PTPN13: variants seen among roughly 807,000 people sequenced by gnomAD.
PTPN13 encodes the protein tyrosine-protein phosphatase non-receptor type 13.
A neutral mutation model predicts 284.0 loss-of-function variants in PTPN13; 191 were observed. The ratio of observed to expected loss-of-function variants is 0.67; its 90% CI spans 0.60 to 0.76. The LOEUF (loss-of-function observed/expected upper bound fraction) is 0.76, where lower values mean the gene tolerates loss of function less well. Among genes scored for constraint, PTPN13 ranks in the 30% least tolerant of loss-of-function variants. The probability of loss-of-function intolerance (pLI) is 0.00; values close to 1 mark genes in which losing one functional copy is unlikely to be tolerated. For synonymous variants in PTPN13, 986 were observed against 1,022.3 expected (o/e 0.96, Z 0.68); for missense variants, 2,797 against 2,939.9 (o/e 0.95, Z 1.12).
chr4:86,647,879 A>AT lies in PTPN13; in HGVS notation c.115+12512dup, dbSNP rs141093712. Among the ~76,000 whole-genome samples the AT allele has an allele frequency of 3.4e-3, 510 of 152,220 alleles. 6 individuals carry two copies. Among genetic ancestry groups the AT allele is most frequent in the African/African-American group, 0.012 (481 of 41,566 alleles). On this transcript the variant is annotated intron_variant, in intron 2 of 47. Coordinates refer to ENST00000411767, the MANE Select transcript of PTPN13 (RefSeq NM_080683.3). ...AGAAACCAACCCTGCCAGCACCTTG[A>AT]TTTTGCACTTTTACAAAAGTACAGA... is the stretch of plus-strand genomic sequence containing the variant.
At position 86,784,493 on chromosome 4, in the gene PTPN13, C is replaced by T. The variant is rs764113622; in HGVS notation, c.6053C>T (p.Ser2018Leu). Residue 2018 changes from serine (S) to leucine (L), a missense_variant, in exon 38 of 48, where the codon TCG becomes TTG. Coordinates refer to ENST00000411767, the MANE Select transcript of PTPN13 (RefSeq NM_080683.3). ...GCTGGGGAAGAAATAAATGAAATAT[C>T]GTACCCCAAAGGAAAATGTTCTACT... ...TVAGEEINEI[S>L]YPKGKCSTYQ... The T allele has an allele frequency of 1.7e-5, 27 of 1,605,912 alleles. No homozygotes were observed. The highest frequency in any genetic ancestry group is 5.2e-5 in the Admixed American group (3 of 57,946).
chr4:86,712,554 T>G (rs552100237), intron 7 of PTPN13, among the ~76,000 whole-genome samples: 1 of 152,114 alleles, frequency 6.6e-6, no homozygotes, highest in African/African-American at 2.4e-5. Flanking sequence ...TTCTTACTAC[T>G]TCAGTTAACA....
At chr4:86,608,689 A>G (rs1319610487) in intron 1 of PTPN13, among the ~76,000 whole-genome samples, 1 of 152,136 alleles carries the variant, frequency 6.6e-6, no homozygotes, top group Non-Finnish European at 1.5e-5. Context: ...TTTTGCATCT[A>G]GGCAATCTGG....
At chr4:86,810,332 GA>G (rs1745090313) in intron 46 of PTPN13, among the ~76,000 whole-genome samples, 1 of 147,930 alleles carries the variant, frequency 6.8e-6, no homozygotes, top group South Asian at 2.1e-4. Context: ...AGAAATAATT[GA>G]AGCACAAAGG....
chr4:86,738,394 T>G (rs546260328), intron 15 of PTPN13, among the ~76,000 whole-genome samples: 2 of 152,356 alleles, frequency 1.3e-5, no homozygotes, highest in African/African-American at 4.8e-5. Context: ...CTTTTTCACT[T>G]TAACATTTGA....
chr4:86,792,056 T>G (rs1435084313), intron 40 of PTPN13, among the ~76,000 whole-genome samples: 1 of 151,608 alleles, frequency 6.6e-6, no homozygotes, highest in Admixed American at 6.6e-5. Flanking sequence ...TAACAAACTT[T>G]CCCAGGCAAA....
intron 6 of PTPN13, among the ~76,000 whole-genome samples, chr4:86,694,095 CTTT>C (rs940349714): frequency 6.9e-6 from 1 of 144,284 alleles, no homozygotes; most frequent in Non-Finnish European, 1.5e-5. Context: ...TATCATATTT[CTTT>C]TTTTTTTTAA....
chr4:86,712,222 A>G (rs1222163317), intron 7 of PTPN13, among the ~76,000 whole-genome samples: 3 of 152,110 alleles, frequency 2.0e-5, no homozygotes, highest in Non-Finnish European at 4.4e-5. Flanking sequence ...TCCTCTAAAA[A>G]GAAAAATAGT....
chr4:86,703,944 G>A (rs970403564), intron 7 of PTPN13, among the ~76,000 whole-genome samples: 1 of 151,948 alleles, frequency 6.6e-6, no homozygotes, highest in African/African-American at 2.4e-5. Flanking sequence ...AGGCTGAGAC[G>A]AGCAGATCAC....
At chr4:86,634,687 G>T (rs1409444718) in intron 1 of PTPN13, among the ~76,000 whole-genome samples, 1 of 152,182 alleles carries the variant, frequency 6.6e-6, no homozygotes, top group Non-Finnish European at 1.5e-5. Flanking sequence ...AAAATGGTGA[G>T]TTGCCAACAA....
chr4:86,784,659 G>T (rs1741697670), intron 38 of PTPN13, 101 bp downstream of exon 38: 2 of 713,752 alleles, frequency 2.8e-6, no homozygotes, highest in Non-Finnish European at 4.6e-6. Flanking sequence ...ATATGTTACT[G>T]TAGCTTTAAA....
chr4:86,797,232 C>T (rs1037964221), intron 41 of PTPN13, among the ~76,000 whole-genome samples: 1 of 152,048 alleles, frequency 6.6e-6, no homozygotes, highest in African/African-American at 2.4e-5. Flanking sequence ...TGTCTCATGC[C>T]TGTAATCCCA....
At chr4:86,613,582 C>A (rs552653321) in intron 1 of PTPN13, among the ~76,000 whole-genome samples, 2 of 142,864 alleles carry the variant, frequency 1.4e-5, no homozygotes, top group South Asian at 2.2e-4. Context: ...TGCAGTGAGC[C>A]AAGATTGTGC....
intron 7 of PTPN13, among the ~76,000 whole-genome samples, chr4:86,711,226 C>G (rs1276474650): frequency 6.7e-6 from 1 of 149,606 alleles, no homozygotes; most frequent in African/African-American, 2.5e-5. Context: ...GGTAAGCAGG[C>G]TGGTCTCAAA....
intron 37 of PTPN13, 64 bp downstream of exon 37, chr4:86,782,326 T>A (rs1014908696): frequency 1.0e-5 from 14 of 1,372,294 alleles, no homozygotes; most frequent in Non-Finnish European, 1.4e-5. Context: ...ATGTTTGTGT[T>A]TTGAACCAAA....
At position 86,807,644 on chromosome 4, in the gene PTPN13, T is replaced by G; in HGVS notation, c.6830T>G (p.Phe2277Cys). ...FIKIPVGKEE[F>C]VYIACQGPLP... ...AAGATACCAGTTGGGAAAGAAGAGT[T>G]CGTTTACATTGCCTGCCAAGGACCA... Residue 2277 changes from phenylalanine to cysteine, a missense_variant, in exon 45 of 48, where the codon TTC becomes TGC. Physicochemically the swap from Phe to Cys is radical, Grantham distance 205. Transcript: ENST00000411767. The G allele has an allele frequency of 6.2e-7, 1 of 1,613,976 alleles. No homozygotes were observed. Among genetic ancestry groups the G allele is most frequent in the Non-Finnish European group, 8.5e-7 (1 of 1,179,878 alleles).
At chr4:86,706,503 A>T (rs1456780573) in intron 7 of PTPN13, among the ~76,000 whole-genome samples, 1 of 152,196 alleles carries the variant, frequency 6.6e-6, no homozygotes, top group African/African-American at 2.4e-5. Context: ...GCAGGGGTTA[A>T]GGTGGAACTC....
At chr4:86,767,578 A>G (rs1739478967) in intron 27 of PTPN13, among the ~76,000 whole-genome samples, 1 of 152,084 alleles carries the variant, frequency 6.6e-6, no homozygotes, top group Non-Finnish European at 1.5e-5. Flanking sequence ...TATTATATTT[A>G]TAATAGATTC....
At position 86,669,201 on chromosome 4, in the gene PTPN13, C is replaced by T. The variant is rs1474413813; in HGVS notation, c.116-3164C>T. ...TTTTTTCTTAGATACCTAATACTTT[C>T]TATCTTGTATTTATGTATGTATTAT... On this transcript the variant is annotated intron_variant, in intron 2 of 47. Coordinates refer to ENST00000411767, the MANE Select transcript of PTPN13 (RefSeq NM_080683.3). Among the ~76,000 whole-genome samples, 6 of 148,612 alleles carry T rather than the reference C, an allele frequency of 4.0e-5. No individual in the cohort carries two copies. In the East Asian group the frequency reaches 9.9e-4, roughly 25 times the overall value.
Sources: allele counts gnomAD v4.1 joint callset (sites outside exome capture counted in the v4.1 genomes callset), GRCh38; gene constraint gnomAD v4.1.1; transcripts MANE v1.5; gene names NCBI Gene and HGNC (gene_info 2026-07-23, HGNC 2026-07-21).